ILDR2: variants seen among roughly 807,000 people sequenced by gnomAD.
The protein encoded by ILDR2 is immunoglobulin like domain containing receptor 2, also known as immunoglobulin-like domain-containing receptor 2.
ILDR2 carries 25 observed loss-of-function variants against 66.8 expected under a neutral mutation model. That is an observed-to-expected ratio of 0.37 (90% confidence interval 0.27 to 0.52). The LOEUF (loss-of-function observed/expected upper bound fraction) is 0.52. Among genes scored for constraint, ILDR2 ranks in the 20% least tolerant of loss-of-function variants. ILDR2 has a pLI of 0.88. For synonymous variants in ILDR2, 367 were observed against 357.2 expected (o/e 1.03, Z -0.31); for missense variants, 827 against 876.8 (o/e 0.94, Z 0.72).
chr1:166,960,301 A>G (rs1478009969), intron 1 of ILDR2, among the ~76,000 whole-genome samples: 2 of 152,230 alleles, frequency 1.3e-5, no homozygotes, highest in Non-Finnish European at 2.9e-5. Context: ...GAAGAAATGT[A>G]TGAGCAAGTG....
At position 166,920,923 on chromosome 1, in the gene ILDR2, C is replaced by G; in HGVS notation, c.1668G>C (p.Ala556=). ...AGGAGGCGCTGCGCGGGCCGAGCTG[C>G]GCGCTCCGCTTGGATGGCGTCTCCA... The part of the protein sequence containing the change: ...GSLETPSKRS[A]QLGPRSASYY... The change falls in exon 9 of 10, where the codon GCG becomes GCC. Residue 556 remains alanine (A), a synonymous_variant. Coordinates refer to ENST00000271417, the MANE Select transcript of ILDR2 (RefSeq NM_199351.3). 5 of 1,477,652 alleles carry G rather than the reference C, an allele frequency of 3.4e-6. No individual in the cohort carries two copies. The highest frequency in any genetic ancestry group is 4.5e-6 in the Non-Finnish European group (5 of 1,121,536). 91.5% of individuals were successfully genotyped at this position (1,477,652 alleles called of 1,614,324 possible).
rs1659571321 is a variant in ILDR2, at chr1:166,914,546, G to A, written c.*4809C>T. On this transcript the variant is annotated 3_prime_UTR_variant, in exon 10 of 10. Transcript: ENST00000271417. Reference sequence around the variant, plus strand: ...CAGTTGATGTTGGGATCAAATGAAAGTGTTCTGTAAACAGTAATATATCAT... The same window carrying A: ...CAGTTGATGTTGGGATCAAATGAAAATGTTCTGTAAACAGTAATATATCAT... 6.6e-6 allele frequency: 1 copy of A among 152,202 alleles called. No homozygotes were observed. Among genetic ancestry groups the A allele is most frequent in the African/African-American group, 2.4e-5 (1 of 41,448 alleles). The allele number at this position is 152,202 out of a possible 1,614,324, so 9.4% of individuals were successfully genotyped here.
chr1:166,920,718 C>A lies in ILDR2; in HGVS notation c.1873G>T (p.Ala625Ser), dbSNP rs375231605. The A allele has an allele frequency of 1.4e-6, 2 of 1,420,726 alleles. No homozygotes were observed. The highest frequency in any genetic ancestry group is 1.8e-6 in the Non-Finnish European group (2 of 1,083,284). 88.0% of individuals were successfully genotyped at this position (1,420,726 alleles called of 1,614,324 possible). ...NSEKKRKKEP[A>S]KKTNDFPTRM... ...AGACGCAGTCTCACGGTTTTCTTGG[C>A]GGGCTCCTTTTTCCTCTTCTTCTCC... Residue 625 changes from alanine to serine, a missense_variant, in exon 9 of 10, where the codon GCC becomes TCC. Coordinates refer to ENST00000271417, the MANE Select transcript of ILDR2 (RefSeq NM_199351.3).
chr1:166,975,226 T>C lies in ILDR2; in HGVS notation c.43A>G (p.Thr15Ala). 6.2e-7 allele frequency: 1 copy of C among 1,612,104 alleles called. No homozygotes were observed. Among genetic ancestry groups the C allele is most frequent in the South Asian group, 1.1e-5 (1 of 91,038 alleles). ...LLRWISLFWL[T>A]AMVEGLQVTV... ...TTCTGTTGAAAAGGACTCTTACCTG[T>C]TAGCCAGAAGAGAGAAATCCACCTC... The change falls in exon 1 of 10, where the codon ACA becomes GCA. Residue 15 changes from threonine (T) to alanine (A), a missense_variant. Thr to Ala is a moderately conservative substitution (Grantham distance 58). Around this residue, in one of 2 missense-constraint regions of ILDR2, gnomAD observed 437 missense variants for 523.2 expected, o/e 0.84. Transcript: ENST00000271417.
At chr1:166,905,100 A>C (rs1030060335), downstream of ILDR2, among the ~76,000 whole-genome samples, 2 of 152,252 alleles carry the variant, frequency 1.3e-5, no homozygotes, top group Non-Finnish European at 2.9e-5. Flanking sequence ...TTGTATTCAT[A>C]ATAAAAGTTT....
intron 8 of ILDR2, 112 bp downstream of exon 8, chr1:166,922,481 T>G (rs1342921636): frequency 1.3e-6 from 1 of 786,546 alleles, no homozygotes. Flanking sequence ...CAGGATAACC[T>G]GGAATGGGAG....
chr1:166,928,164 A>C (rs1242471838), intron 6 of ILDR2, among the ~76,000 whole-genome samples: 1 of 152,240 alleles, frequency 6.6e-6, no homozygotes, highest in Non-Finnish European at 1.5e-5. Context: ...AAAATGTGCT[A>C]GGTACTGTGC....
chr1:166,963,659 G>A (rs1662756473), intron 1 of ILDR2, among the ~76,000 whole-genome samples: 1 of 152,098 alleles, frequency 6.6e-6, no homozygotes, highest in African/African-American at 2.4e-5. Context: ...ATTCCCTCCA[G>A]GACAAAATTG....
At chr1:166,905,793 G>A (rs887407374), downstream of ILDR2, among the ~76,000 whole-genome samples, 2 of 152,170 alleles carry the variant, frequency 1.3e-5, no homozygotes, top group East Asian at 3.8e-4. Flanking sequence ...GGAGTGAGCA[G>A]CCAAGGTTGG....
intron 2 of ILDR2, among the ~76,000 whole-genome samples, chr1:166,903,169 T>C (rs1659288631): frequency 6.6e-6 from 1 of 152,248 alleles, no homozygotes; most frequent in Non-Finnish European, 1.5e-5. Context: ...AACTTTCTAA[T>C]GGTTTCCAAC....
intron 7 of ILDR2, among the ~76,000 whole-genome samples, chr1:166,924,569 T>C (rs1660162634): frequency 1.3e-5 from 2 of 152,172 alleles, no homozygotes; most frequent in Admixed American, 6.5e-5. Flanking sequence ...TAAGCAAACT[T>C]CGTTTTGTAA....
At chr1:166,952,474 A>G (rs1197134291) in intron 3 of ILDR2, among the ~76,000 whole-genome samples, 1 of 152,198 alleles carries the variant, frequency 6.6e-6, no homozygotes. Context: ...TTTTGTGTTT[A>G]ATGTTGAATC....
chr1:166,966,660 C>T (rs545013259), intron 1 of ILDR2, among the ~76,000 whole-genome samples: 6 of 152,344 alleles, frequency 3.9e-5, no homozygotes, highest in African/African-American at 1.2e-4. Context: ...CTTTCTGTCT[C>T]ATTTGCCTCA....
rs141905346 is a variant in ILDR2, at chr1:166,936,959, A to G, written c.557-222T>C. 2.2e-3 allele frequency among the ~76,000 whole-genome samples: 331 copies of G among 152,254 alleles called. 2 individuals are homozygous for G. Among genetic ancestry groups the G allele is most frequent in the African/African-American group, 7.3e-3 (303 of 41,550 alleles). ...TGGAGAAGAGGGAAGAAGGTTATCT[A>G]TGTTACATTGGGTACATGTAATAAT... On this transcript the variant is annotated intron_variant, in intron 4 of 9. Transcript: ENST00000271417. The surrounding 1 kb of genome is among the most constrained non-coding windows in gnomAD (Gnocchi z 5.0).
chr1:166,919,485 G>C, intron 9 of ILDR2, 95 bp from the exon 10 acceptor site: 1 of 1,137,024 alleles, frequency 8.8e-7, no homozygotes, highest in Non-Finnish European at 1.3e-6. Context: ...TCCACAACCC[G>C]TTCAGTGCCA....
intron 3 of ILDR2, chr1:166,943,956 G>T (rs936781786): frequency 5.4e-6 from 3 of 560,296 alleles, no homozygotes; most frequent in African/African-American, 4.1e-5. Context: ...CGCTCAAACA[G>T]TTTTCCCCAA....
intron 6 of ILDR2, among the ~76,000 whole-genome samples, chr1:166,932,917 A>G (rs1160714278): frequency 6.6e-6 from 1 of 152,224 alleles, no homozygotes; most frequent in Non-Finnish European, 1.5e-5. Flanking sequence ...AGAATAATCT[A>G]CATGGAACAC....
chr1:166,942,557 C>T (rs1412924242), intron 3 of ILDR2, among the ~76,000 whole-genome samples: 1 of 152,200 alleles, frequency 6.6e-6, no homozygotes, highest in East Asian at 1.9e-4. Context: ...GAGCCATACA[C>T]AGTATGTCTG....
At chr1:166,903,533 T>C (rs1031269948), downstream of ILDR2, among the ~76,000 whole-genome samples, 2 of 152,192 alleles carry the variant, frequency 1.3e-5, no homozygotes, top group Non-Finnish European at 2.9e-5. Flanking sequence ...CAACTCACAA[T>C]AAGGAAGGCT....
Sources: gnomAD v4.1 joint callset for allele counts (sites outside exome capture counted in the v4.1 genomes callset) on GRCh38, gnomAD v4.1.1 for gene constraint, gnomAD v4.1.1 regional missense constraint, Gnocchi (gnomAD v3.1) non-coding constraint, MANE v1.5 for transcripts, NCBI Gene and HGNC (gene_info 2026-07-23, HGNC 2026-07-21) for gene names.